Variants in WIPI2 observed in about 807,000 individuals in gnomAD.
The protein encoded by WIPI2 is WD repeat domain phosphoinositide-interacting protein 2.
Under a neutral mutation model 52.3 loss-of-function variants are expected in WIPI2, and 28 were observed. The observed-to-expected ratio is 0.54, with a 90% CI of 0.40 to 0.73. WIPI2 has a LOEUF of 0.73. Among genes scored for constraint, WIPI2 ranks in the 30% least tolerant of loss-of-function variants. WIPI2 has a pLI of 0.00. For missense variants in WIPI2, 506 were observed against 602.9 expected (o/e 0.84, Z 1.68); for synonymous variants, 268 against 245.0 (o/e 1.09, Z -0.88).
intron 7 of WIPI2, 101 bp downstream of exon 7, chr7:5,218,115 C>A (rs949563908): frequency 2.9e-5 from 37 of 1,270,678 alleles, no homozygotes; most frequent in Non-Finnish European, 3.6e-5. Context: ...CCTATACTTA[C>A]CAGCTCCGGG....
chr7:5,209,088 G>C (rs1433684523), intron 3 of WIPI2, among the ~76,000 whole-genome samples: 2 of 101,792 alleles, frequency 2.0e-5, no homozygotes, highest in Non-Finnish European at 3.9e-5. Flanking sequence ...TTTGGATTTT[G>C]ACATTATCAT....
At chr7:5,196,044 A>C (rs917295157) in intron 2 of WIPI2, among the ~76,000 whole-genome samples, 3 of 151,886 alleles carry the variant, frequency 2.0e-5, no homozygotes, top group Non-Finnish European at 4.4e-5. Context: ...TCTCAAAAAA[A>C]AAAACTTATC....
intron 2 of WIPI2, among the ~76,000 whole-genome samples, chr7:5,195,201 A>C (rs1781686632): frequency 1.3e-5 from 2 of 152,172 alleles, no homozygotes; most frequent in Non-Finnish European, 1.5e-5. Context: ...GAGCCCACTA[A>C]TGGGGACAGG....
At chr7:5,225,772 T>C in intron 8 of WIPI2, 51 bp from the exon 9 acceptor site, 1 of 1,392,040 alleles carries the variant, frequency 7.2e-7, no homozygotes, top group East Asian at 2.4e-5. Context: ...GTTGAACCCC[T>C]GGGGCAGCTG....
chr7:5,219,499 A>G (rs1386134960), intron 7 of WIPI2, among the ~76,000 whole-genome samples: 1 of 152,080 alleles, frequency 6.6e-6, no homozygotes, highest in African/African-American at 2.4e-5. Context: ...TTGCTTGTAC[A>G]TGGAATGCTC....
chr7:5,212,914 C>G (rs1782627534), intron 3 of WIPI2, among the ~76,000 whole-genome samples: 1 of 152,208 alleles, frequency 6.6e-6, no homozygotes, highest in Admixed American at 6.5e-5. Context: ...GGTCAGAGAA[C>G]CAGGGTCTGA....
chr7:5,202,823 C>T (rs576935777), intron 3 of WIPI2, among the ~76,000 whole-genome samples: 54 of 152,240 alleles, frequency 3.5e-4, no homozygotes, highest in African/African-American at 1.3e-3. Flanking sequence ...GGTCTCTTTT[C>T]CCTAAAATAT....
At chr7:5,224,128 G>C (rs1211447559) in intron 8 of WIPI2, among the ~76,000 whole-genome samples, 1 of 152,242 alleles carries the variant, frequency 6.6e-6, no homozygotes, top group Non-Finnish European at 1.5e-5. Context: ...CTTCCGCCCA[G>C]CCTGATTCTG....
intron 3 of WIPI2, among the ~76,000 whole-genome samples, chr7:5,213,665 T>TTTGTTGTTG (rs149745229): frequency 2.4e-3 from 136 of 55,898 alleles, no homozygotes; most frequent in African/African-American, 9.5e-3. Context: ...TTTTCTTTGT[T>TTTGTTGTTG]TTGTTGTTGT....
intron 8 of WIPI2, among the ~76,000 whole-genome samples, chr7:5,223,912 C>T (rs187865188): frequency 3.5e-4 from 54 of 152,380 alleles, no homozygotes; most frequent in Admixed American, 2.7e-3. Flanking sequence ...GTGCCTCTCC[C>T]GCCACGCCAC....
chr7:5,207,964 C>T (rs563840512), intron 3 of WIPI2, among the ~76,000 whole-genome samples: 1 of 152,082 alleles, frequency 6.6e-6, no homozygotes, highest in East Asian at 1.9e-4. Flanking sequence ...CGGGGTTTCA[C>T]CATGTTGGCC....
intron 3 of WIPI2, among the ~76,000 whole-genome samples, chr7:5,204,694 G>C (rs1464367087): frequency 6.6e-6 from 1 of 151,228 alleles, no homozygotes; most frequent in Non-Finnish European, 1.5e-5. Context: ...TACTACTACT[G>C]CGTTTTTTTT....
intron 3 of WIPI2, chr7:5,214,249 C>G (rs564428481): frequency 5.1e-6 from 7 of 1,364,582 alleles, no homozygotes; most frequent in South Asian, 1.5e-5. Context: ...GGTTCCTAAA[C>G]TCACCATTCA....
intron 1 of WIPI2, among the ~76,000 whole-genome samples, chr7:5,191,071 G>A (rs558792263): frequency 7.2e-5 from 11 of 152,110 alleles, no homozygotes; most frequent in Non-Finnish European, 1.3e-4. Flanking sequence ...CCAGGCTGGA[G>A]TGCAGTGGTG....
At chr7:5,198,609 T>G (rs1781867914) in intron 2 of WIPI2, among the ~76,000 whole-genome samples, 1 of 152,120 alleles carries the variant, frequency 6.6e-6, no homozygotes, top group Non-Finnish European at 1.5e-5. Context: ...CCACCACACC[T>G]GGCCAGCTTA....
At chr7:5,229,395 G>T in intron 11 of WIPI2, 1 of 473,726 alleles carries the variant, frequency 2.1e-6, no homozygotes, top group East Asian at 3.7e-5. Flanking sequence ...TGTCTTGTTA[G>T]GTATAACTCC....
chr7:5,229,793 A>C (rs7785898), intron 12 of WIPI2, 55 bp downstream of exon 12: 1,416,217 of 1,602,750 alleles, frequency 0.88, 626,194 homozygotes, highest in East Asian at 0.95. Flanking sequence ...CCCGAGTGCT[A>C]CTGCCTTCTG....
Position 5,225,917 on chromosome 7 carries a change from A to T in WIPI2, c.835A>T (p.Thr279Ser), listed in dbSNP as rs1376428080. The change falls in exon 9 of 13, where the codon ACT (threonine) becomes TCT (serine). Residue 279 changes from threonine (T) to serine (S), a missense_variant. This residue lies in a region of WIPI2 where 237 missense variants were observed against 346.9 expected (regional missense o/e 0.68). Transcript: ENST00000288828. ...TETVHIFKLE[T>S]VKEKPPEEPT... ...GACCGTGCACATCTTCAAACTCGAG[A>T]CTGTGAAAGAAAAGTGAGTTGCAAA... The T allele has an allele frequency of 1.2e-6, 2 of 1,613,546 alleles. No homozygotes were observed. Among genetic ancestry groups the T allele is most frequent in the Admixed American group, 3.3e-5 (2 of 59,914 alleles).
intron 2 of WIPI2, among the ~76,000 whole-genome samples, chr7:5,194,917 A>G (rs1781668749): frequency 6.6e-6 from 1 of 152,222 alleles, no homozygotes; most frequent in African/African-American, 2.4e-5. Context: ...TAAACTGCAG[A>G]ATCCCCTCCA....
Sources: allele counts gnomAD v4.1 joint callset (sites outside exome capture counted in the v4.1 genomes callset), GRCh38; gene constraint gnomAD v4.1.1; regional missense constraint gnomAD v4.1.1; transcripts MANE v1.5; gene names NCBI Gene and HGNC (gene_info 2026-07-23, HGNC 2026-07-21).